PREX2: variants seen among roughly 807,000 people sequenced by gnomAD.
PREX2 encodes the protein phosphatidylinositol-3,4,5-trisphosphate dependent Rac exchange factor 2, also known as phosphatidylinositol 3,4,5-trisphosphate-dependent Rac exchanger 2 protein.
In PREX2, 107 loss-of-function variants were observed where a neutral mutation model predicts 203.2. That is an observed-to-expected ratio of 0.53 (90% CI 0.45 to 0.62). The LOEUF (loss-of-function observed/expected upper bound fraction) is 0.62. PREX2 is among the 20% of genes least tolerant of loss of function. The probability of loss-of-function intolerance (pLI) is 0.00; values close to 1 mark genes in which losing one functional copy is unlikely to be tolerated. For missense variants in PREX2, 1,777 were observed against 1,955.9 expected (o/e 0.91, Z 1.72); for synonymous variants, 672 against 663.6 (o/e 1.01, Z -0.19).
In PREX2 at chr8:68,065,863, A is replaced by G. The variant is rs149484535; in HGVS notation, c.1340-3170A>G. ...AAAACAACTTAGCCTGAAAAAGAGAAAGCGTAGAGATTTAGTAGGAGATTC... is the reference window on the plus strand; with the variant it reads ...AAAACAACTTAGCCTGAAAAAGAGAGAGCGTAGAGATTTAGTAGGAGATTC... On this transcript the variant is annotated intron_variant, in intron 11 of 39. Coordinates refer to ENST00000288368, the MANE Select transcript of PREX2 (RefSeq NM_024870.4). Among the ~76,000 whole-genome samples the G allele has an allele frequency of 5.9e-5, 9 of 152,320 alleles. No individual in the cohort carries two copies. In the East Asian group the frequency reaches 1.5e-3, roughly 26 times the overall value.
chr8:68,061,417 T>C lies in PREX2; in HGVS notation c.1339+638T>C, dbSNP rs573723125. 3.9e-5 allele frequency among the ~76,000 whole-genome samples: 6 copies of C among 152,270 alleles called. No homozygotes were observed. In the East Asian group the frequency reaches 9.7e-4, roughly 25 times the overall value. On this transcript the variant is annotated intron_variant, in intron 11 of 39. Coordinates refer to ENST00000288368, the MANE Select transcript of PREX2 (RefSeq NM_024870.4). The stretch of plus-strand genomic sequence containing the variant: ...CATGATCAGAACTCAGGTCCACAGC[T>C]GTGAGGTGCAGCAGCACGGAGCCTG...
At chr8:67,992,312 C>G (rs935584326) in intron 1 of PREX2, among the ~76,000 whole-genome samples, 1 of 152,058 alleles carries the variant, frequency 6.6e-6, no homozygotes, top group Admixed American at 6.6e-5. Context: ...AGACACAACC[C>G]CCTAATCAAC....
chr8:68,199,245 G>C (rs1812457813), intron 37 of PREX2, among the ~76,000 whole-genome samples: 1 of 152,144 alleles, frequency 6.6e-6, no homozygotes, highest in African/African-American at 2.4e-5. Flanking sequence ...ATTACCATTG[G>C]TAAAACACAT....
chr8:67,985,700 T>A (rs1187392130), intron 1 of PREX2, among the ~76,000 whole-genome samples: 1 of 152,158 alleles, frequency 6.6e-6, no homozygotes, highest in African/African-American at 2.4e-5. Context: ...TACAGTAGGC[T>A]GTAAGGGAAC....
chr8:68,116,324 CT>C (rs528513498), intron 26 of PREX2, among the ~76,000 whole-genome samples: 20 of 152,184 alleles, frequency 1.3e-4, no homozygotes, highest in African/African-American at 4.3e-4. Flanking sequence ...TTTTTTCTCT[CT>C]TTTCTTTTCA....
intron 35 of PREX2, among the ~76,000 whole-genome samples, chr8:68,164,886 C>CTT (rs71554623): frequency 0.3 from 39,571 of 133,606 alleles, 6,113 homozygotes; most frequent in East Asian, 0.45. Flanking sequence ...CCGGCCAAAC[C>CTT]TTTTTTTTTT....
intron 23 of PREX2, 32 bp from the exon 24 acceptor site, chr8:68,108,077 C>T: frequency 1.3e-6 from 2 of 1,489,792 alleles, no homozygotes; most frequent in South Asian, 2.4e-5. Flanking sequence ...ACTGTGTGTT[C>T]AACTGCTTTT....
rs1188721221 is a variant in PREX2 at position 68,234,608 on chromosome 8, G to A, written c.*3230G>A. 1.3e-5 allele frequency: 2 copies of A among 151,976 alleles called. No individual in the cohort carries two copies. The highest frequency in any genetic ancestry group is 2.9e-5 in the Non-Finnish European group (2 of 67,998). 9.4% of individuals were successfully genotyped at this position (151,976 alleles called of 1,614,324 possible). ...ATTCCTATTTAAAGAGAGAAAATGG[G>A]GAGATAATTTCTGTGCTAGTTTTAC... On this transcript the variant is annotated 3_prime_UTR_variant, in exon 40 of 40. Coordinates refer to ENST00000288368, the MANE Select transcript of PREX2 (RefSeq NM_024870.4).
intron 1 of PREX2, among the ~76,000 whole-genome samples, chr8:67,995,666 G>A (rs1347406871): frequency 1.3e-5 from 2 of 152,198 alleles, no homozygotes; most frequent in African/African-American, 4.8e-5. Context: ...TTTATGGGAA[G>A]CATTGATATG....
intron 5 of PREX2, among the ~76,000 whole-genome samples, chr8:68,028,764 C>A (rs184305023): frequency 7.2e-5 from 11 of 151,858 alleles, no homozygotes; most frequent in Non-Finnish European, 1.5e-4. Flanking sequence ...TTTTGGAATC[C>A]CAGGGGATTT....
chr8:68,063,807 G>A (rs548393474), intron 11 of PREX2, among the ~76,000 whole-genome samples: 11 of 152,254 alleles, frequency 7.2e-5, no homozygotes, highest in Middle Eastern at 3.4e-3. Context: ...CAAACTAGGG[G>A]TGAGAGAACA....
intron 37 of PREX2, among the ~76,000 whole-genome samples, chr8:68,209,609 A>T (rs1235014452): frequency 1.3e-5 from 2 of 152,132 alleles, no homozygotes; most frequent in Non-Finnish European, 2.9e-5. Flanking sequence ...TATAAAGAAC[A>T]GTGAAAATGA....
At chr8:68,096,012 T>C (rs973357818) in intron 21 of PREX2, among the ~76,000 whole-genome samples, 5 of 152,140 alleles carry the variant, frequency 3.3e-5, no homozygotes, top group Non-Finnish European at 7.4e-5. Context: ...CTGTTTTCTC[T>C]GCACTCCTGG....
intron 14 of PREX2, among the ~76,000 whole-genome samples, chr8:68,075,618 C>G (rs2129611751): frequency 6.6e-6 from 1 of 152,280 alleles, no homozygotes; most frequent in East Asian, 1.9e-4. Flanking sequence ...AAATCCTACC[C>G]TAGATTTGCA....
intron 37 of PREX2, among the ~76,000 whole-genome samples, chr8:68,205,935 A>G (rs971003118): frequency 2.0e-5 from 3 of 152,222 alleles, no homozygotes; most frequent in African/African-American, 4.8e-5. Context: ...TCATTTTAGT[A>G]TGATGAAGTC....
chr8:67,974,821 T>A (rs1411763993), intron 1 of PREX2, among the ~76,000 whole-genome samples: 1 of 152,220 alleles, frequency 6.6e-6, no homozygotes, highest in Non-Finnish European at 1.5e-5. Context: ...ATTGCTTTGG[T>A]CTCTTGCAGT....
chr8:68,143,538 G>A lies in PREX2; in HGVS notation c.4088-2671G>A, dbSNP rs139983719. ...ACATTTTTATGGATTAACACACTTT[G>A]ATTGTTTGTTTTCTTATTGTTGAGT... On this transcript the variant is annotated intron_variant, in intron 33 of 39. Coordinates refer to ENST00000288368, the MANE Select transcript of PREX2 (RefSeq NM_024870.4). Among the ~76,000 whole-genome samples, 540 of 143,258 alleles carry A rather than the reference G, an allele frequency of 3.8e-3. 1 individual carries two copies. Among genetic ancestry groups the A allele is most frequent in the Middle Eastern group, 0.014 (4 of 284 alleles). The allele number at this position is 143,258 out of a possible 152,430, so 94.0% of individuals were successfully genotyped here.
intron 1 of PREX2, among the ~76,000 whole-genome samples, chr8:68,000,006 A>G (rs1806892434): frequency 6.6e-6 from 1 of 152,188 alleles, no homozygotes; most frequent in Non-Finnish European, 1.5e-5. Context: ...CACAGCCAAC[A>G]TTATACTGAA....
intron 26 of PREX2, 127 bp from the exon 27 acceptor site, chr8:68,118,423 T>C: frequency 3.2e-6 from 2 of 616,938 alleles, no homozygotes; most frequent in Non-Finnish European, 5.7e-6. Context: ...TGAACAAGTT[T>C]ATCTTTCTCA....
Sources: allele counts gnomAD v4.1 joint callset (sites outside exome capture counted in the v4.1 genomes callset), GRCh38; gene constraint gnomAD v4.1.1; transcripts MANE v1.5; gene names NCBI Gene and HGNC (gene_info 2026-07-23, HGNC 2026-07-21).